RPS6KC1: variants seen among roughly 807,000 people sequenced by gnomAD.
The protein encoded by RPS6KC1 is inactive ribosomal protein S6 kinase delta-1.
Under a neutral mutation model 103.8 loss-of-function variants are expected in RPS6KC1, and 54 were observed. The ratio of observed to expected loss-of-function variants is 0.52; its 90% CI spans 0.42 to 0.65. The LOEUF (loss-of-function observed/expected upper bound fraction) is 0.65. Ranked by LOEUF, RPS6KC1 falls within the 30% of genes least tolerant of loss-of-function variation. The pLI is 0.00. For synonymous variants in RPS6KC1, 439 were observed against 438.7 expected (o/e 1.00, Z -0.01); for missense variants, 1,151 against 1,253.8 (o/e 0.92, Z 1.24).
At chr1:213,640,465 T>G in the RPS6KC1 span, among the ~76,000 whole-genome samples, 1 of 151,688 alleles carries the variant, frequency 6.6e-6, no homozygotes, top group Non-Finnish European at 1.5e-5. Flanking sequence ...ATTTTTTTTT[T>G]GCTAGTTTCC....
the RPS6KC1 span, among the ~76,000 whole-genome samples, chr1:213,375,192 T>C: frequency 0.14 from 21,353 of 151,562 alleles, 1,598 homozygotes; most frequent in Middle Eastern, 0.21. Context: ...CACATGTACA[T>C]ACACATATAC....
chr1:213,152,957 A>G (rs947434160), intron 6 of RPS6KC1, among the ~76,000 whole-genome samples: 2 of 152,238 alleles, frequency 1.3e-5, no homozygotes, highest in Non-Finnish European at 2.9e-5. Context: ...ACCATTGAGC[A>G]CTGAGTGAAC....
At chr1:213,607,690 C>CACACAT in the RPS6KC1 span, among the ~76,000 whole-genome samples, 1 of 125,716 alleles carries the variant, frequency 8.0e-6, no homozygotes, top group East Asian at 2.0e-4. Flanking sequence ...GTTGCAATTA[C>CACACAT]ACACACACAC....
At chr1:213,233,160 CAATT>C (rs1369635921) in intron 10 of RPS6KC1, among the ~76,000 whole-genome samples, 5 of 152,038 alleles carry the variant, frequency 3.3e-5, no homozygotes, top group East Asian at 1.9e-4. Context: ...GGGCAGTAAA[CAATT>C]AATATTGTTT....
At chr1:213,315,299 T>C in the RPS6KC1 span, among the ~76,000 whole-genome samples, 1 of 152,252 alleles carries the variant, frequency 6.6e-6, no homozygotes, top group Non-Finnish European at 1.5e-5. Context: ...CTTCCCTCTC[T>C]GTCCATTGGT....
the RPS6KC1 span, among the ~76,000 whole-genome samples, chr1:213,682,674 A>G: frequency 6.6e-6 from 1 of 152,220 alleles, no homozygotes; most frequent in Non-Finnish European, 1.5e-5. Flanking sequence ...AATTCTTTTG[A>G]GTTCACTCAT....
the RPS6KC1 span, among the ~76,000 whole-genome samples, chr1:213,572,018 A>G: frequency 6.6e-6 from 1 of 152,146 alleles, no homozygotes; most frequent in Non-Finnish European, 1.5e-5. Context: ...GCATCGCTGC[A>G]CCGATTTCTG....
At chr1:213,551,723 C>A in the RPS6KC1 span, among the ~76,000 whole-genome samples, 1 of 152,142 alleles carries the variant, frequency 6.6e-6, no homozygotes, top group Non-Finnish European at 1.5e-5. Flanking sequence ...CACCCAAAGT[C>A]CATCGTTTAC....
the RPS6KC1 span, among the ~76,000 whole-genome samples, chr1:213,422,582 T>C: frequency 7.9e-5 from 12 of 152,240 alleles, no homozygotes; most frequent in Non-Finnish European, 1.5e-4. Flanking sequence ...TATAAAACCT[T>C]ATTACTTATT....
chr1:213,416,492 G>A, the RPS6KC1 span, among the ~76,000 whole-genome samples: 5 of 152,350 alleles, frequency 3.3e-5, no homozygotes, highest in South Asian at 2.1e-4. Context: ...GCTGGATCAC[G>A]CTGTGGGAGG....
At chr1:213,451,921 G>A in the RPS6KC1 span, among the ~76,000 whole-genome samples, 5 of 152,186 alleles carry the variant, frequency 3.3e-5, no homozygotes, top group African/African-American at 7.2e-5. Context: ...CCTGGGTGGC[G>A]TCAGCTGCTA....
intron 8 of RPS6KC1, among the ~76,000 whole-genome samples, chr1:213,193,317 T>C (rs2092819559): frequency 1.3e-5 from 2 of 152,180 alleles, no homozygotes; most frequent in Admixed American, 1.3e-4. Context: ...GCAGTGCAGT[T>C]GCACTATCTT....
chr1:213,718,087 C>G, the RPS6KC1 span, among the ~76,000 whole-genome samples: 34,921 of 152,198 alleles, frequency 0.23, 4,217 homozygotes, highest in South Asian at 0.3. Flanking sequence ...TCTTGTGCTC[C>G]ACATGCAGCC....
At chr1:213,283,500 G>C in the RPS6KC1 span, among the ~76,000 whole-genome samples, 1 of 152,164 alleles carries the variant, frequency 6.6e-6, no homozygotes, top group African/African-American at 2.4e-5. Context: ...CTTCTAACTT[G>C]ACCTGAGAAC....
chr1:213,410,835 A>T, the RPS6KC1 span, among the ~76,000 whole-genome samples: 73 of 150,520 alleles, frequency 4.8e-4, 1 homozygote, highest in East Asian at 8.3e-3. Context: ...TTTTTTTTTT[A>T]AAAAAGGGAA....
chr1:213,162,447 A>C (rs1021235912), intron 6 of RPS6KC1, among the ~76,000 whole-genome samples: 1 of 152,018 alleles, frequency 6.6e-6, no homozygotes, highest in African/African-American at 2.4e-5. Context: ...GGCCTGGCGA[A>C]TTAAAAAAAA....
At chr1:213,608,389 G>C in the RPS6KC1 span, among the ~76,000 whole-genome samples, 1 of 152,230 alleles carries the variant, frequency 6.6e-6, no homozygotes, top group Non-Finnish European at 1.5e-5. Flanking sequence ...TAAAGAGGCA[G>C]CTTCGCAGTT....
chr1:213,257,521 A>G (rs1167153599), intron 12 of RPS6KC1, among the ~76,000 whole-genome samples: 1 of 152,200 alleles, frequency 6.6e-6, no homozygotes, highest in Non-Finnish European at 1.5e-5. Context: ...ATTCTCTCCC[A>G]AAGTCACCAT....
chr1:213,215,996 T>C (rs1246760634), intron 8 of RPS6KC1, among the ~76,000 whole-genome samples: 1 of 152,136 alleles, frequency 6.6e-6, no homozygotes, highest in Non-Finnish European at 1.5e-5. Context: ...CCAGCTAACA[T>C]CATAATGACA....
Sources: allele counts gnomAD v4.1 joint callset (sites outside exome capture counted in the v4.1 genomes callset), GRCh38; gene constraint gnomAD v4.1.1; transcripts MANE v1.5; gene names NCBI Gene and HGNC (gene_info 2026-07-23, HGNC 2026-07-21).